Variants in PRRC2B observed in about 807,000 individuals in gnomAD.
The protein encoded by PRRC2B is proline rich coiled-coil 2B.
Under a neutral mutation model 242.3 loss-of-function variants are expected in PRRC2B, and 68 were observed. The observed-to-expected ratio is 0.28, with a 90% confidence interval of 0.23 to 0.34. The LOEUF is 0.34. Among genes scored for constraint, PRRC2B ranks in the 10% least tolerant of loss-of-function variants. PRRC2B has a pLI of 1.00. For missense variants in PRRC2B, 2,835 were observed against 2,954.8 expected, an observed-to-expected ratio of 0.96 and a Z score of 0.94; for synonymous variants, 1,228 against 1,173.6, an observed-to-expected ratio of 1.05 and a Z score of -0.95.
chr9:131,450,425 C>G (rs1425094773), intron 9 of PRRC2B, among the ~76,000 whole-genome samples: 1 of 151,850 alleles, frequency 6.6e-6, no homozygotes, highest in Admixed American at 6.6e-5. Context: ...GCACCACATG[C>G]CCAACTAATT....
chr9:131,420,496 T>TCTTTCTTTTCTTTCTTTC (rs59621148), intron 1 of PRRC2B, among the ~76,000 whole-genome samples: 2 of 75,898 alleles, frequency 2.6e-5, no homozygotes, highest in African/African-American at 1.1e-4. Context: ...TTTCTTTCTT[T>TCTTTCTTTTCTTTCTTTC]TTTTTTTTTT....
chr9:131,489,246 G>T (rs1478868086), intron 28 of PRRC2B, among the ~76,000 whole-genome samples: 3 of 149,696 alleles, frequency 2.0e-5, no homozygotes, highest in Non-Finnish European at 1.5e-5. Flanking sequence ...GTGCAGTGGC[G>T]CAATCTCGGC....
intron 18 of PRRC2B, among the ~76,000 whole-genome samples, 176 bp from the exon 19 acceptor site, chr9:131,479,076 G>C (rs538189132): frequency 6.6e-6 from 1 of 152,130 alleles, no homozygotes; most frequent in Admixed American, 6.5e-5. Context: ...GTCTTTCTTG[G>C]GGGGTGCTTT....
chr9:131,437,005 C>G (rs1384676816), intron 4 of PRRC2B, among the ~76,000 whole-genome samples: 1 of 152,158 alleles, frequency 6.6e-6, no homozygotes, highest in East Asian at 1.9e-4. Flanking sequence ...GGCAGGGTCA[C>G]TCAGGCTGGA....
At chr9:131,395,986 C>T (rs1837043130) in intron 1 of PRRC2B, among the ~76,000 whole-genome samples, 2 of 152,150 alleles carry the variant, frequency 1.3e-5, no homozygotes, top group South Asian at 2.1e-4. Flanking sequence ...TGAGTTTCTA[C>T]TTGTTTGGGC....
At chr9:131,407,153 G>A (rs574609516) in intron 1 of PRRC2B, among the ~76,000 whole-genome samples, 81 of 152,302 alleles carry the variant, frequency 5.3e-4, no homozygotes, top group African/African-American at 1.8e-3. Context: ...AAGTTCAGCA[G>A]TGGCATAGAC....
chr9:131,475,458 G>A lies in PRRC2B; in HGVS notation c.3329G>A (p.Arg1110Gln), dbSNP rs750505715. Reference protein sequence around the residue: ...YCSSQRSGRGRGLREFARPED... With the variant: ...YCSSQRSGRGQGLREFARPED... ...AGCAGTCAGCGCAGCGGCCGTGGCCGGGGCCTGCGAGAGTTTGCGCGGCCA... is the reference window on the plus strand; with the variant it reads ...AGCAGTCAGCGCAGCGGCCGTGGCCAGGGCCTGCGAGAGTTTGCGCGGCCA... Residue 1110 changes from arginine to glutamine, a missense_variant, in exon 16 of 32, where the codon CGG becomes CAG. By Grantham distance (43) the Arg-to-Gln change is conservative. This residue lies in a region of PRRC2B where 1,536 missense variants were observed against 1,483.1 expected (regional missense o/e 1.04). Transcript: ENST00000683519. The A allele has an allele frequency of 8.2e-6, 13 of 1,584,636 alleles. 1 individual carries two copies. The highest frequency in any genetic ancestry group is 7.9e-5 in the South Asian group (7 of 88,162).
intron 1 of PRRC2B, among the ~76,000 whole-genome samples, chr9:131,397,187 G>A (rs567881011): frequency 1.6e-4 from 25 of 152,308 alleles, no homozygotes; most frequent in East Asian, 3.9e-4. Context: ...GGAGATAGTC[G>A]CTGCCTCTCC....
chr9:131,475,404 G>T lies in PRRC2B; in HGVS notation c.3275G>T (p.Gly1092Val). The stretch of plus-strand genomic sequence containing the variant: ...AATGGGAGCGGCCTCTGTGGTGGGG[G>T]GGTCCTGGGGGCCCGCAGCATCTAC... ...GGNGSGLCGG[G>V]VLGARSIYCS... Residue 1092 changes from glycine (G) to valine (V), a missense_variant, in exon 16 of 32, where the codon GGG becomes GTG. Gly to Val is a moderately radical substitution (Grantham distance 109). Coordinates refer to ENST00000683519, the MANE Select transcript of PRRC2B (RefSeq NM_013318.4). 2 of 1,579,138 alleles carry T rather than the reference G, an allele frequency of 1.3e-6. No individual in the cohort carries two copies. The highest frequency in any genetic ancestry group is 1.7e-6 in the Non-Finnish European group (2 of 1,164,036).
chr9:131,374,517 C>T (rs1369700177), intron 1 of PRRC2B, among the ~76,000 whole-genome samples: 1 of 151,992 alleles, frequency 6.6e-6, no homozygotes. Flanking sequence ...AGTTTAACCT[C>T]GCTCTTTTTT....
At position 131,487,297 on chromosome 9, in the gene PRRC2B, G is replaced by C. The variant is rs184081903; in HGVS notation, c.5984+3G>C. 1 of 1,603,070 alleles carries C rather than the reference G, an allele frequency of 6.2e-7. No homozygotes were observed. Among genetic ancestry groups the C allele is most frequent in the African/African-American group, 1.3e-5 (1 of 74,810 alleles). On this transcript the variant is annotated splice_donor_region_variant and intron_variant, in intron 27 of 31. Coordinates refer to ENST00000683519, the MANE Select transcript of PRRC2B (RefSeq NM_013318.4). This position sits in a 1 kb window ranked among gnomAD's most constrained non-coding sequence, Gnocchi z 5.3. Reference sequence around the variant, plus strand: ...TTCAGCTCCTTGCAGCCCTTCAGGTGAGCTCATGTACCAGCTTGCGGAGCT... The same window carrying C: ...TTCAGCTCCTTGCAGCCCTTCAGGTCAGCTCATGTACCAGCTTGCGGAGCT...
chr9:131,404,216 CTT>C (rs34149279), intron 1 of PRRC2B, among the ~76,000 whole-genome samples: 33 of 126,978 alleles, frequency 2.6e-4, no homozygotes, highest in Admixed American at 4.0e-4. Context: ...TCCCAGTTGA[CTT>C]TTTTTTTTTT....
At chr9:131,483,221 C>T (rs1443805821) in intron 22 of PRRC2B, 138 bp from the exon 23 acceptor site, 9 of 829,398 alleles carry the variant, frequency 1.1e-5, no homozygotes, top group Middle Eastern at 2.6e-4. Context: ...CTGGCCATCT[C>T]GCTCATATGT....
At position 131,477,815 on chromosome 9, in the gene PRRC2B, T is replaced by G; in HGVS notation, c.4478T>G (p.Leu1493Arg). ...GGGAGTGGCCACTCCCCCTATGCCCTGGAGCGGGCAGCCCATGCCAGTGCT... is the reference window on the plus strand; with the variant it reads ...GGGAGTGGCCACTCCCCCTATGCCCGGGAGCGGGCAGCCCATGCCAGTGCT... ...SSGSGHSPYA[L>R]ERAAHASADL... The change falls in exon 17 of 32, where the codon CTG becomes CGG. Residue 1493 changes from leucine to arginine, a missense_variant. Leu to Arg is a moderately radical substitution (Grantham distance 102). Transcript: ENST00000683519. 6.2e-7 allele frequency: 1 copy of G among 1,611,762 alleles called. No homozygotes were observed. The highest frequency in any genetic ancestry group is 1.1e-5 in the South Asian group (1 of 91,008).
In PRRC2B at chr9:131,487,500, C is replaced by T. The variant is rs1475801901; in HGVS notation, c.5984+206C>T. Among the ~76,000 whole-genome samples the T allele has an allele frequency of 6.6e-6, 1 of 152,132 alleles. No individual in the cohort carries two copies. The highest frequency in any genetic ancestry group is 1.5e-5 in the Non-Finnish European group (1 of 68,032). On this transcript the variant is annotated intron_variant, in intron 27 of 31. Coordinates refer to ENST00000683519, the MANE Select transcript of PRRC2B (RefSeq NM_013318.4). This position sits in a 1 kb window ranked among gnomAD's most constrained non-coding sequence, Gnocchi z 5.3. ...CTGGGGCGAGCTGATATGTGGTGGGCCGTGTTTTGCTTTTCCATGTCATCT... is the reference window on the plus strand; with the variant it reads ...CTGGGGCGAGCTGATATGTGGTGGGTCGTGTTTTGCTTTTCCATGTCATCT...
chr9:131,388,302 G>A (rs1477476679), intron 1 of PRRC2B, among the ~76,000 whole-genome samples: 1 of 141,012 alleles, frequency 7.1e-6, no homozygotes, highest in South Asian at 2.2e-4. Context: ...GTGCAGTGGT[G>A]CAATCTTGGC....
chr9:131,465,592 A>G (rs1390917349), intron 12 of PRRC2B, among the ~76,000 whole-genome samples: 10 of 152,214 alleles, frequency 6.6e-5, no homozygotes, highest in Admixed American at 3.3e-4. Context: ...TATCCTCGCT[A>G]TCCCTGCCTA....
At chr9:131,493,661 T>C (rs942183055) in intron 30 of PRRC2B, among the ~76,000 whole-genome samples, 55 of 152,340 alleles carry the variant, frequency 3.6e-4, no homozygotes, top group African/African-American at 1.3e-3. Flanking sequence ...TTGCTATAAT[T>C]GTATAAAGCA....
At chr9:131,447,541 C>T (rs958322735) in intron 8 of PRRC2B, 121 bp from the exon 9 acceptor site, 2 of 1,047,128 alleles carry the variant, frequency 1.9e-6, no homozygotes, top group Non-Finnish European at 1.3e-6. Context: ...TTTAAAGGAA[C>T]TGATAGAAAT....
Sources: gnomAD v4.1 joint callset for allele counts (sites outside exome capture counted in the v4.1 genomes callset) on GRCh38, gnomAD v4.1.1 for gene constraint, gnomAD v4.1.1 regional missense constraint, Gnocchi (gnomAD v3.1) non-coding constraint, MANE v1.5 for transcripts, NCBI Gene and HGNC (gene_info 2026-07-23, HGNC 2026-07-21) for gene names.